RBM6: variants seen among roughly 807,000 people sequenced by gnomAD.
RBM6 encodes RNA binding motif protein 6.
Under a neutral mutation model 140.4 loss-of-function variants are expected in RBM6, and 23 were observed. That is an observed-to-expected ratio of 0.16 (90% confidence interval 0.12 to 0.23). The LOEUF (loss-of-function observed/expected upper bound fraction) is 0.23. Ranked by LOEUF, RBM6 falls within the 10% of genes least tolerant of loss-of-function variation. RBM6 has a pLI of 1.00. For missense variants in RBM6, 1,139 were observed against 1,386.7 expected, an observed-to-expected ratio of 0.82 and a Z score of 2.84; for synonymous variants, 439 against 475.6, an observed-to-expected ratio of 0.92 and a Z score of 1.00.
In RBM6 at chr3:49,986,771, C is replaced by T. The variant is rs545599353; in HGVS notation, c.1483+11379C>T. The stretch of plus-strand genomic sequence containing the variant: ...TCCCTCCCTTCCCCTCCCCTCCCCT[C>T]CCCTTCTCTTTTCTTCTCTTCTCTT... On this transcript the variant is annotated intron_variant, in intron 5 of 20. Transcript: ENST00000266022. 3.4e-5 allele frequency among the ~76,000 whole-genome samples: 5 copies of T among 147,898 alleles called. No individual in the cohort carries two copies. In the South Asian group the frequency reaches 6.8e-4, roughly 20 times the overall value.
intron 8 of RBM6, 91 bp from the exon 9 acceptor site, chr3:50,057,630 TGCTGGCA>T: frequency 9.9e-7 from 1 of 1,014,534 alleles, no homozygotes; most frequent in Non-Finnish European, 1.4e-6. Flanking sequence ...TATGAGTATT[TGCTGGCA>T]GGTAAGGAGA....
At position 49,949,892 on chromosome 3, in the gene RBM6, T is replaced by G. The variant is rs564980404; in HGVS notation, c.-67+9667T>G. On this transcript the variant is annotated intron_variant, in intron 1 of 20. Coordinates refer to ENST00000266022, the MANE Select transcript of RBM6 (RefSeq NM_005777.3). ...TGTATACCACCACGCTCAGCTAATT[T>G]ATGTATTTTTAGTAGAAATGGGGTT... 7.9e-5 allele frequency among the ~76,000 whole-genome samples: 12 copies of G among 152,142 alleles called. No homozygotes were observed. The South Asian group carries it at 2.3e-3, about 29-fold the overall frequency.
chr3:50,075,332 TA>T lies in RBM6; in HGVS notation c.3246+6del, dbSNP rs749656180. ...CCTGGATTGGCTTCATCAGAGGAGG[TA>T]AAATGGTTTCCATCTTTTGGGGGGT... is the stretch of plus-strand genomic sequence containing the variant. On this transcript the variant is annotated splice_donor_region_variant and intron_variant, in intron 20 of 20. Coordinates refer to ENST00000266022, the MANE Select transcript of RBM6 (RefSeq NM_005777.3). The T allele has an allele frequency of 2.5e-6, 4 of 1,607,606 alleles. No homozygotes were observed. The highest frequency in any genetic ancestry group is 2.5e-6 in the Non-Finnish European group (3 of 1,176,576).
intron 5 of RBM6, among the ~76,000 whole-genome samples, chr3:49,984,664 T>TCGCA (rs2085482019): frequency 3.5e-5 from 5 of 141,550 alleles, no homozygotes; most frequent in Admixed American, 1.4e-4. Context: ...TCGCATCGCA[T>TCGCA]TGCATCACAT....
intron 6 of RBM6, among the ~76,000 whole-genome samples, chr3:50,031,037 A>G (rs1401768964): frequency 6.6e-6 from 1 of 152,232 alleles, no homozygotes; most frequent in Non-Finnish European, 1.5e-5. Context: ...GCCTATATGT[A>G]TCTCACACCA....
chr3:50,000,847 C>G (rs1401004902), intron 6 of RBM6, among the ~76,000 whole-genome samples: 1 of 152,180 alleles, frequency 6.6e-6, no homozygotes, highest in Admixed American at 6.5e-5. Context: ...ACGTACTTTT[C>G]TCTTCTTGGC....
intron 1 of RBM6, among the ~76,000 whole-genome samples, chr3:49,941,741 T>C (rs73079033): frequency 0.062 from 9,413 of 151,728 alleles, 416 homozygotes; most frequent in Non-Finnish European, 0.09. Flanking sequence ...ATTTTTTGTA[T>C]TTTTTTAGTA....
At chr3:49,986,528 GA>G (rs1422136490) in intron 5 of RBM6, among the ~76,000 whole-genome samples, 1 of 150,022 alleles carries the variant, frequency 6.7e-6, no homozygotes, top group Non-Finnish European at 1.5e-5. Flanking sequence ...CCGGGAGGCA[GA>G]GCTTGCAGTG....
At chr3:50,032,223 C>T (rs2088210406) in intron 6 of RBM6, among the ~76,000 whole-genome samples, 1 of 151,932 alleles carries the variant, frequency 6.6e-6, no homozygotes, top group Non-Finnish European at 1.5e-5. Context: ...TGGCTCACAC[C>T]TGTAATCCCA....
chr3:50,035,959 A>G (rs1033706255), intron 6 of RBM6, among the ~76,000 whole-genome samples: 1 of 151,960 alleles, frequency 6.6e-6, no homozygotes, highest in African/African-American at 2.4e-5. Flanking sequence ...ACAGGGTTTC[A>G]CCATCTTGGC....
intron 6 of RBM6, among the ~76,000 whole-genome samples, chr3:50,033,017 C>T (rs2088274271): frequency 6.6e-6 from 1 of 151,536 alleles, no homozygotes; most frequent in Non-Finnish European, 1.5e-5. Context: ...AGAGAAGAGA[C>T]AGGGAAGCCA....
chr3:50,076,407 C>G (rs992431724), intron 20 of RBM6, among the ~76,000 whole-genome samples: 1 of 150,006 alleles, frequency 6.7e-6, no homozygotes, highest in African/African-American at 2.5e-5. Context: ...ATGATGAAAC[C>G]CCTGTCTCTA....
At chr3:50,007,072 G>C (rs886736771) in intron 6 of RBM6, among the ~76,000 whole-genome samples, 1 of 151,886 alleles carries the variant, frequency 6.6e-6, no homozygotes, top group African/African-American at 2.4e-5. Flanking sequence ...ATGGCAAAAA[G>C]AGGATTTGGT....
rs541647232 is a variant in RBM6, at chr3:49,989,066, C to G, written c.1484-10374C>G. ...AATGTCATTTTTTTTTTAAAAGTCC[C>G]TGAATGATTGTGACAGGGTAGGAAA... On this transcript the variant is annotated intron_variant, in intron 5 of 20. Transcript: ENST00000266022. Among the ~76,000 whole-genome samples, 16 of 152,108 alleles carry G rather than the reference C, an allele frequency of 1.1e-4. No homozygotes were observed. The East Asian group carries it at 3.1e-3, about 29-fold the overall frequency.
In RBM6 at chr3:50,061,478, C is replaced by T; in HGVS notation, c.2370C>T (p.Tyr790=). ...TACCTTTAGCATCATCTGACTGCTA[C>T]ATATATGATTCTGCTACTGGCTACT... ...RQGQQSSSDC[Y]IYDSATGYYY... Residue 790 remains tyrosine (Y), a synonymous_variant, in exon 14 of 21, where the codon TAC becomes TAT. Coordinates refer to ENST00000266022, the MANE Select transcript of RBM6 (RefSeq NM_005777.3). 2 of 1,559,232 alleles carry T rather than the reference C, an allele frequency of 1.3e-6. No homozygotes were observed. Among genetic ancestry groups the T allele is most frequent in the Non-Finnish European group, 1.7e-6 (2 of 1,150,064 alleles).
At chr3:50,026,047 A>G (rs1057497714) in intron 6 of RBM6, among the ~76,000 whole-genome samples, 3 of 151,318 alleles carry the variant, frequency 2.0e-5, no homozygotes, top group Admixed American at 6.6e-5. Flanking sequence ...TCAGACCACT[A>G]TACTCCAGCT....
At chr3:50,063,725 C>T (rs1006972793) in intron 15 of RBM6, among the ~76,000 whole-genome samples, 1 of 151,804 alleles carries the variant, frequency 6.6e-6, no homozygotes, top group African/African-American at 2.4e-5. Flanking sequence ...TATGGTGAAA[C>T]CCCCATCTCT....
At chr3:49,953,717 A>C (rs1343986402) in intron 1 of RBM6, among the ~76,000 whole-genome samples, 2 of 150,690 alleles carry the variant, frequency 1.3e-5, no homozygotes, top group Middle Eastern at 3.4e-3. Context: ...ACGGGGTTTC[A>C]CCATGTTGGC....
At chr3:50,040,833 C>T (rs184010041) in intron 6 of RBM6, among the ~76,000 whole-genome samples, 198 of 151,834 alleles carry the variant, frequency 1.3e-3, no homozygotes, top group Non-Finnish European at 2.2e-3. Context: ...TTTGTAGAGG[C>T]GGGGTTTTAT....
Sources: gnomAD v4.1 joint callset for allele counts (sites outside exome capture counted in the v4.1 genomes callset) on GRCh38, gnomAD v4.1.1 for gene constraint, MANE v1.5 for transcripts, NCBI Gene and HGNC (gene_info 2026-07-23, HGNC 2026-07-21) for gene names.